Variants in ZNF592 observed in about 807,000 individuals in gnomAD.
ZNF592 encodes the protein spinocerebellar ataxia, autosomal recessive 5.
ZNF592 carries 11 observed loss-of-function variants against 80.3 expected under a neutral mutation model. That is an observed-to-expected ratio of 0.14 (90% confidence interval 0.09 to 0.23). ZNF592 has a LOEUF of 0.23. Ranked by LOEUF, ZNF592 falls within the 10% of genes least tolerant of loss-of-function variation. The pLI is 1.00. For missense variants in ZNF592, 1,420 were observed against 1,633.9 expected, an observed-to-expected ratio of 0.87 and a Z score of 2.26; for synonymous variants, 646 against 640.3, an observed-to-expected ratio of 1.01 and a Z score of -0.13.
Position 84,798,752 on chromosome 15 carries a change from A to G in ZNF592, c.2901A>G (p.Glu967=). Residue 967 remains glutamate (E), a synonymous_variant, in exon 8 of 11, where the codon GAA becomes GAG. Coordinates refer to ENST00000560079, the MANE Select transcript of ZNF592 (RefSeq NM_014630.3). This position sits in a 1 kb window ranked among gnomAD's most constrained non-coding sequence, Gnocchi z 4.5. ...CTTCTGGCCGCTGGGGTAGGCCTGAAGCCCACCGCAGGGTGGAAGCCAGGC... is the reference window on the plus strand; with the variant it reads ...CTTCTGGCCGCTGGGGTAGGCCTGAGGCCCACCGCAGGGTGGAAGCCAGGC... ...SLPSGRWGRP[E]AHRRVEARPR... 3.7e-6 allele frequency: 6 copies of G among 1,608,474 alleles called. No homozygotes were observed. Among genetic ancestry groups the G allele is most frequent in the Non-Finnish European group, 5.1e-6 (6 of 1,179,814 alleles).
At position 84,801,969 on chromosome 15, in the gene ZNF592, C is replaced by T. The variant is rs570461261; in HGVS notation, c.3380C>T (p.Ala1127Val). 9.9e-6 allele frequency: 16 copies of T among 1,613,982 alleles called. No individual in the cohort carries two copies. The highest frequency in any genetic ancestry group is 8.3e-5 in the Admixed American group (5 of 60,018). The change falls in exon 11 of 11, where the codon GCG becomes GTG. Residue 1127 changes from alanine to valine, a missense_variant. Physicochemically the swap from Ala to Val is moderately conservative, Grantham distance 64. Transcript: ENST00000560079. ...TKRHKSLFQC[A>V]KCSFATDSGL... ...AGGCACAAGTCCCTTTTTCAGTGCGCGAAATGTAGTTTTGCCACAGACTCG... is the reference window on the plus strand; with the variant it reads ...AGGCACAAGTCCCTTTTTCAGTGCGTGAAATGTAGTTTTGCCACAGACTCG...
intron 5 of ZNF592, among the ~76,000 whole-genome samples, chr15:84,796,265 T>TATATA (rs1396711040): frequency 3.2e-4 from 14 of 43,652 alleles, no homozygotes; most frequent in South Asian, 2.6e-3. Context: ...TATATATATA[T>TATATA]TTTATATATA....
intron 1 of ZNF592, among the ~76,000 whole-genome samples, chr15:84,755,504 C>G (rs572163643): frequency 4.9e-4 from 74 of 152,022 alleles, no homozygotes; most frequent in African/African-American, 1.7e-3. Context: ...CAGGCTCATC[C>G]AGAGAACACG....
intron 1 of ZNF592, 92 bp downstream of exon 1, chr15:84,748,756 C>T (rs1898922145): frequency 6.8e-6 from 1 of 147,336 alleles, no homozygotes; most frequent in South Asian, 2.0e-4. Flanking sequence ...GGACCGAGTC[C>T]GAGCCCGAGC....
At chr15:84,787,130 G>T (rs964662847) in intron 4 of ZNF592, among the ~76,000 whole-genome samples, 2 of 152,100 alleles carry the variant, frequency 1.3e-5, no homozygotes, top group Admixed American at 6.5e-5. Context: ...GGGATTACAG[G>T]CATGAGCCAT....
chr15:84,752,619 A>G (rs1408259389), intron 1 of ZNF592, among the ~76,000 whole-genome samples: 2 of 152,216 alleles, frequency 1.3e-5, no homozygotes, highest in East Asian at 1.9e-4. Flanking sequence ...AGGCAGGTCA[A>G]GGAGTTTGGA....
intron 3 of ZNF592, among the ~76,000 whole-genome samples, 174 bp from the exon 4 acceptor site, chr15:84,782,483 C>T (rs1478520145): frequency 1.3e-5 from 2 of 152,166 alleles, no homozygotes; most frequent in African/African-American, 4.8e-5. Flanking sequence ...CCCCACCTCT[C>T]CAGCATTTTA....
rs112014397 is a variant in ZNF592 at position 84,789,513 on chromosome 15, A to G, written c.2221-1192A>G. On this transcript the variant is annotated intron_variant, in intron 4 of 10. Transcript: ENST00000560079. Reference sequence around the variant, plus strand: ...TAATTTTCTGAGATACCACTGTACTATTTTCCACAGTAGATGCACCATTTT... The same window carrying G: ...TAATTTTCTGAGATACCACTGTACTGTTTTCCACAGTAGATGCACCATTTT... 3.8e-3 allele frequency among the ~76,000 whole-genome samples: 583 copies of G among 152,138 alleles called. 6 individuals carry two copies. Among genetic ancestry groups the G allele is most frequent in the African/African-American group, 0.014 (569 of 41,504 alleles).
intron 4 of ZNF592, among the ~76,000 whole-genome samples, chr15:84,785,783 C>G (rs1326424807): frequency 5.3e-5 from 8 of 151,910 alleles, no homozygotes; most frequent in Admixed American, 5.2e-4. Flanking sequence ...CTCCTTCTTT[C>G]AACTGCGTTC....
intron 2 of ZNF592, among the ~76,000 whole-genome samples, chr15:84,765,494 A>G (rs1899481437): frequency 6.6e-6 from 1 of 150,856 alleles, no homozygotes; most frequent in South Asian, 2.1e-4. Flanking sequence ...ATGCACAAGG[A>G]ATCTGATTTC....
intron 3 of ZNF592, among the ~76,000 whole-genome samples, chr15:84,779,989 GT>G (rs1402357185): frequency 1.3e-4 from 18 of 139,038 alleles, no homozygotes; most frequent in Non-Finnish European, 1.7e-4. Context: ...AGACAGTTTT[GT>G]TTTTTTTTTT....
In ZNF592 at chr15:84,801,767, G is replaced by A. The variant is rs1963101392; in HGVS notation, c.3274-96G>A. Reference sequence around the variant, plus strand: ...CAGGGCTGGGGTGACCCTGGCCTGGGTGGTGCTTTCTTTGAGTCCTTGGGC... The same window carrying A: ...CAGGGCTGGGGTGACCCTGGCCTGGATGGTGCTTTCTTTGAGTCCTTGGGC... On this transcript the variant is annotated intron_variant, in intron 10 of 10. Transcript: ENST00000560079. The A allele has an allele frequency of 1.9e-6, 3 of 1,589,446 alleles. No homozygotes were observed. The African/African-American group carries it at 4.0e-5, about 21-fold the overall frequency.
At position 84,783,239 on chromosome 15, in the gene ZNF592, G is replaced by A; in HGVS notation, c.564G>A (p.Lys188=). 1 of 1,614,226 alleles carries A rather than the reference G, an allele frequency of 6.2e-7. No homozygotes were observed. Among genetic ancestry groups the A allele is most frequent in the South Asian group, 1.1e-5 (1 of 91,086 alleles). ...GCCCAGTCCTGGAGGCTCTGGCTAA[G>A]TTTCCGGTTCCAGAGCTGCATATGT... is the stretch of plus-strand genomic sequence containing the variant. ...VGGPVLEALA[K]FPVPELHMFD... Residue 188 remains lysine, a synonymous_variant, in exon 4 of 11, where the codon AAG becomes AAA. Transcript: ENST00000560079. This position sits in a 1 kb window ranked among gnomAD's most constrained non-coding sequence, Gnocchi z 5.0.
rs180688356 is a variant in ZNF592 at position 84,791,543 on chromosome 15, G to A, written c.2399+660G>A. On this transcript the variant is annotated intron_variant, in intron 5 of 10. Transcript: ENST00000560079. ...TCTGTAAGTTGTTTTCTGCTCTTTG[G>A]CATTAAATTTTTTTTTTTGGTTTTA... Among the ~76,000 whole-genome samples, 3 of 152,210 alleles carry A rather than the reference G, an allele frequency of 2.0e-5. No homozygotes were observed. The East Asian group carries it at 5.8e-4, about 29-fold the overall frequency.
Position 84,782,762 on chromosome 15 carries a change from C to T in ZNF592, c.87C>T (p.Ala29=), listed in dbSNP as rs1254581911. 1.9e-6 allele frequency: 3 copies of T among 1,614,000 alleles called. No individual in the cohort carries two copies. The highest frequency in any genetic ancestry group is 2.5e-6 in the Non-Finnish European group (3 of 1,180,030). ...CCACCAGCCTTGATGCCAAGGAGGC[C>T]ATCCAGACACCCAGTGAGGAGAATG... ...PDPTSLDAKE[A]IQTPSEENES... The change falls in exon 4 of 11, where the codon GCC becomes GCT. Residue 29 remains alanine (A), a synonymous_variant. Transcript: ENST00000560079.
chr15:84,758,042 G>A (rs190847933), intron 1 of ZNF592, among the ~76,000 whole-genome samples: 1,554 of 145,802 alleles, frequency 0.011, 10 homozygotes, highest in Non-Finnish European at 0.015. Context: ...GCAAGATCTC[G>A]GCTCACTGCC....
chr15:84,786,485 A>G (rs1293011919), intron 4 of ZNF592, among the ~76,000 whole-genome samples: 1 of 152,134 alleles, frequency 6.6e-6, no homozygotes, highest in Non-Finnish European at 1.5e-5. Context: ...GGACATTGTT[A>G]TGCATGAGGC....
rs747402320 is a variant in ZNF592 at position 84,783,237 on chromosome 15, A to G, written c.562A>G (p.Lys188Glu). Residue 188 changes from lysine to glutamate, a missense_variant, in exon 4 of 11, where the codon AAG becomes GAG. This residue lies in a region of ZNF592 where 373 missense variants were observed against 355.5 expected (regional missense o/e 1.05). Coordinates refer to ENST00000560079, the MANE Select transcript of ZNF592 (RefSeq NM_014630.3). The surrounding 1 kb of genome is among the most constrained non-coding windows in gnomAD (Gnocchi z 5.0). ...VGGPVLEALA[K>E]FPVPELHMFD... ...AGGCCCAGTCCTGGAGGCTCTGGCT[A>G]AGTTTCCGGTTCCAGAGCTGCATAT... 5 of 1,614,200 alleles carry G rather than the reference A, an allele frequency of 3.1e-6. No homozygotes were observed. The South Asian group carries it at 5.5e-5, about 18-fold the overall frequency.
chr15:84,777,246 G>A (rs1391241582), intron 2 of ZNF592, among the ~76,000 whole-genome samples: 4 of 152,008 alleles, frequency 2.6e-5, no homozygotes, highest in Non-Finnish European at 5.9e-5. Flanking sequence ...GGAGGCTGAG[G>A]TGGGTGGATC....
Sources: gnomAD v4.1 joint callset for allele counts (sites outside exome capture counted in the v4.1 genomes callset) on GRCh38, gnomAD v4.1.1 for gene constraint, gnomAD v4.1.1 regional missense constraint, Gnocchi (gnomAD v3.1) non-coding constraint, MANE v1.5 for transcripts, NCBI Gene and HGNC (gene_info 2026-07-23, HGNC 2026-07-21) for gene names.